The following CHRNA9 variants were observed in gnomAD, a reference collection of about 807,000 sequenced individuals.
The protein encoded by CHRNA9 is cholinergic receptor nicotinic alpha 9 subunit.
In CHRNA9, 24 loss-of-function variants were observed where a neutral mutation model predicts 36.8. That is an observed-to-expected ratio of 0.65 (90% CI 0.47 to 0.92). The LOEUF is 0.92. Among genes scored for constraint, CHRNA9 ranks in the 40% least tolerant of loss-of-function variants. The probability of loss-of-function intolerance (pLI) is 0.00; values close to 1 mark genes in which losing one functional copy is unlikely to be tolerated. For missense variants in CHRNA9, 610 were observed against 601.2 expected (o/e 1.01, Z -0.15); for synonymous variants, 231 against 231.8 (o/e 1.00, Z 0.03).
intron 3 of CHRNA9, among the ~76,000 whole-genome samples, chr4:40,345,318 A>G (rs1712608511): frequency 6.6e-6 from 1 of 151,680 alleles, no homozygotes; most frequent in Non-Finnish European, 1.5e-5. Context: ...TTGGGAAGCC[A>G]AGGTAGGAGG....
chr4:40,346,795 T>C (rs1282664585), intron 3 of CHRNA9, among the ~76,000 whole-genome samples: 1 of 151,756 alleles, frequency 6.6e-6, no homozygotes, highest in Non-Finnish European at 1.5e-5. Context: ...TATAGACATA[T>C]ATTATTTTAT....
chr4:40,350,426 A>C (rs57973150), intron 4 of CHRNA9, among the ~76,000 whole-genome samples: 1,992 of 152,150 alleles, frequency 0.013, 49 homozygotes, highest in African/African-American at 0.044. Flanking sequence ...TCTGCCTCCA[A>C]GGATACCCTT....
At chr4:40,343,520 A>C (rs1175334776) in intron 3 of CHRNA9, among the ~76,000 whole-genome samples, 2 of 152,138 alleles carry the variant, frequency 1.3e-5, no homozygotes, top group Non-Finnish European at 2.9e-5. Context: ...ACCTCCCACC[A>C]CGTCCCTCCT....
chr4:40,348,979 T>G lies in CHRNA9; in HGVS notation c.463T>G (p.Cys155Gly). The stretch of plus-strand genomic sequence containing the variant: ...TGCACCGGCCATCACCAAAAGCTCC[T>G]GTGTGGTGGATGTCACCTACTTCCC... ...WDAPAITKSS[C>G]VVDVTYFPFD... Residue 155 changes from cysteine (C) to glycine (G), a missense_variant, in exon 4 of 5, where the codon TGT becomes GGT. Physicochemically the swap from Cys to Gly is radical, Grantham distance 159. Coordinates refer to ENST00000310169, the MANE Select transcript of CHRNA9 (RefSeq NM_017581.4). 1 of 1,614,200 alleles carries G rather than the reference T, an allele frequency of 6.2e-7. No homozygotes were observed.
At chr4:40,341,700 G>A (rs751506266) in intron 3 of CHRNA9, among the ~76,000 whole-genome samples, 22 of 152,168 alleles carry the variant, frequency 1.4e-4, no homozygotes, top group African/African-American at 5.3e-4. Flanking sequence ...GTGTGGTTTC[G>A]TTTCAATAAA....
intron 3 of CHRNA9, among the ~76,000 whole-genome samples, chr4:40,339,963 G>A (rs573415120): frequency 1.4e-4 from 22 of 152,226 alleles, no homozygotes; most frequent in African/African-American, 4.3e-4. Context: ...TGCTGTGCCC[G>A]GCCAGCATTC....
At chr4:40,345,886 A>G (rs1712624504) in intron 3 of CHRNA9, among the ~76,000 whole-genome samples, 1 of 152,146 alleles carries the variant, frequency 6.6e-6, no homozygotes, top group African/African-American at 2.4e-5. Context: ...TTAGCCAGGC[A>G]TGGTGGCTGG....
intron 3 of CHRNA9, among the ~76,000 whole-genome samples, chr4:40,343,620 G>T (rs1712561408): frequency 6.6e-6 from 1 of 152,250 alleles, no homozygotes; most frequent in South Asian, 2.1e-4. Flanking sequence ...AGGCCACTGA[G>T]TGGCTGAGGA....
intron 1 of CHRNA9, 46 bp downstream of exon 1, chr4:40,335,577 A>C (rs761180157): frequency 1.1e-5 from 16 of 1,476,746 alleles, no homozygotes; most frequent in Non-Finnish European, 1.5e-5. Flanking sequence ...ATCTGGGGCT[A>C]TTGCTTTGGT....
In CHRNA9 at chr4:40,349,392, C is replaced by T. The variant is rs191541025; in HGVS notation, c.876C>T (p.Ala292=). The T allele has an allele frequency of 1.9e-6, 3 of 1,613,504 alleles. No individual in the cohort carries two copies. Among genetic ancestry groups the T allele is most frequent in the East Asian group, 4.5e-5 (2 of 44,882 alleles). ...TAATGGTGGCAGAAATCATGCCGGCCTCAGAAAATGTGCCCCTGATAGGTG... is the reference window on the plus strand; with the variant it reads ...TAATGGTGGCAGAAATCATGCCGGCTTCAGAAAATGTGCCCCTGATAGGTG... ...FQLMVAEIMP[A]SENVPLIGKY... Residue 292 remains alanine (A), a synonymous_variant, in exon 4 of 5, where the codon GCC becomes GCT. Coordinates refer to ENST00000310169, the MANE Select transcript of CHRNA9 (RefSeq NM_017581.4).
In CHRNA9 at chr4:40,354,311, C is replaced by T. The variant is rs1712890659; in HGVS notation, c.1231C>T (p.Pro411Ser). ...KNDLGCQGKN[P>S]QEAESYCAQY... Reference sequence around the variant, plus strand: ...CGACCTGGGCTGCCAGGGTAAGAACCCTCAGGAGGCCGAGAGTTACTGTGC... The same window carrying T: ...CGACCTGGGCTGCCAGGGTAAGAACTCTCAGGAGGCCGAGAGTTACTGTGC... Residue 411 changes from proline (P) to serine (S), a missense_variant, in exon 5 of 5, where the codon CCT (proline) becomes TCT (serine). Transcript: ENST00000310169. The T allele has an allele frequency of 1.9e-6, 3 of 1,613,942 alleles. No homozygotes were observed.
chr4:40,345,173 A>G (rs1712602725), intron 3 of CHRNA9, among the ~76,000 whole-genome samples: 1 of 152,224 alleles, frequency 6.6e-6, no homozygotes, highest in Non-Finnish European at 1.5e-5. Flanking sequence ...TTTGGGCTAT[A>G]GGAAGCCACT....
intron 3 of CHRNA9, among the ~76,000 whole-genome samples, chr4:40,341,396 T>TA (rs1712498269): frequency 6.6e-6 from 1 of 151,988 alleles, no homozygotes; most frequent in Non-Finnish European, 1.5e-5. Context: ...GTTGAGAGAG[T>TA]ATTCTCCTCA....
chr4:40,350,080 G>A (rs1712751125), intron 4 of CHRNA9: 1 of 152,204 alleles, frequency 6.6e-6, no homozygotes, highest in South Asian at 2.1e-4. Context: ...CACGTGACAA[G>A]GGCTTTCTTC....
At chr4:40,336,411 A>T (rs1346432982) in intron 2 of CHRNA9, among the ~76,000 whole-genome samples, 2 of 152,126 alleles carry the variant, frequency 1.3e-5, no homozygotes, top group Non-Finnish European at 2.9e-5. Flanking sequence ...CAACGTTGTG[A>T]ATATATTGGA....
chr4:40,349,327 C>T lies in CHRNA9; in HGVS notation c.811C>T (p.Leu271=). Residue 271 remains leucine (L), a synonymous_variant, in exon 4 of 5, where the codon CTG becomes TTG. Transcript: ENST00000310169. The stretch of plus-strand genomic sequence containing the variant: ...AGCAGCCTCCGGAGAAAAGGTCTCC[C>T]TGGGAGTGACCATCCTGTTGGCCAT... The part of the protein sequence containing the change: ...LPAASGEKVS[L]GVTILLAMTV... 6.2e-7 allele frequency: 1 copy of T among 1,614,106 alleles called. No homozygotes were observed. Among genetic ancestry groups the T allele is most frequent in the East Asian group, 2.2e-5 (1 of 44,888 alleles).
At chr4:40,342,294 G>A (rs1712520581) in intron 3 of CHRNA9, among the ~76,000 whole-genome samples, 1 of 152,154 alleles carries the variant, frequency 6.6e-6, no homozygotes, top group Non-Finnish European at 1.5e-5. Context: ...TCAGTTTGGG[G>A]AACCAAAGAA....
rs778955293 is a variant in CHRNA9 at position 40,349,303 on chromosome 4, G to C, written c.787G>C (p.Ala263Pro). Residue 263 changes from alanine (A) to proline (P), a missense_variant, in exon 4 of 5, where the codon GCA (alanine) becomes CCA (proline). Coordinates refer to ENST00000310169, the MANE Select transcript of CHRNA9 (RefSeq NM_017581.4). ...FLAPLSFYLP[A>P]ASGEKVSLGV... is the part of the protein sequence containing the mutation. ...GGCTCCTCTGAGTTTTTATCTCCCAGCAGCCTCCGGAGAAAAGGTCTCCCT... is the reference window on the plus strand; with the variant it reads ...GGCTCCTCTGAGTTTTTATCTCCCACCAGCCTCCGGAGAAAAGGTCTCCCT... The C allele has an allele frequency of 2.7e-5, 43 of 1,614,072 alleles. No individual in the cohort carries two copies. The Middle Eastern group carries it at 2.6e-3, about 99-fold the overall frequency.
intron 3 of CHRNA9, among the ~76,000 whole-genome samples, chr4:40,343,627 A>C (rs1712561450): frequency 6.6e-6 from 1 of 152,256 alleles, no homozygotes; most frequent in Non-Finnish European, 1.5e-5. Context: ...TGAGTGGCTG[A>C]GGAAAGGGAA....
Sources: gnomAD v4.1 joint callset for allele counts (sites outside exome capture counted in the v4.1 genomes callset) on GRCh38, gnomAD v4.1.1 for gene constraint, MANE v1.5 for transcripts, NCBI Gene and HGNC (gene_info 2026-07-23, HGNC 2026-07-21) for gene names.